The following HDX variants were observed in gnomAD, a reference collection of about 807,000 sequenced individuals.
HDX encodes chromosome X open reading frame 43.
Under a neutral mutation model 45.2 loss-of-function variants are expected in HDX, and 19 were observed. That is an observed-to-expected ratio of 0.42 (90% CI 0.29 to 0.62). The LOEUF is 0.62. HDX is among the 20% of genes least tolerant of loss of function. The probability of loss-of-function intolerance (pLI) is 0.20; values close to 1 mark genes in which losing one functional copy is unlikely to be tolerated. For synonymous variants in HDX, 188 were observed against 172.8 expected (o/e 1.09, Z -0.69); for missense variants, 532 against 493.9 (o/e 1.08, Z -0.73).
At position 84,470,047 on chromosome X, in the gene HDX, C is replaced by T. The variant is rs781023182; in HGVS notation, c.148-472G>A. ...CTCATAGTATTGTTAAACAAATACACATTTGCAATCTTTAGACTCATCAAC... is the reference window on the plus strand; with the variant it reads ...CTCATAGTATTGTTAAACAAATACATATTTGCAATCTTTAGACTCATCAAC... On this transcript the variant is annotated intron_variant, in intron 3 of 10. Coordinates refer to ENST00000373177, the MANE Select transcript of HDX (RefSeq NM_001177479.2). 5.4e-5 allele frequency among the ~76,000 whole-genome samples: 6 copies of T among 111,986 alleles called. No homozygotes were observed. The East Asian group carries it at 1.7e-3, about 31-fold the overall frequency.
chrX:84,493,887 A>C (rs1171792774), intron 1 of HDX, among the ~76,000 whole-genome samples: 5 of 111,717 alleles, frequency 4.5e-5, no homozygotes, highest in Non-Finnish European at 9.4e-5. Flanking sequence ...CAAAGGATAA[A>C]CGCTTAAGGG....
At chrX:84,436,307 T>C (rs1257025807) in intron 5 of HDX, among the ~76,000 whole-genome samples, 1 of 97,815 alleles carries the variant, frequency 1.0e-5, no homozygotes, top group Non-Finnish European at 2.1e-5. Flanking sequence ...AGGGATAGCA[T>C]TGGGAGATAT....
chrX:84,467,444 T>C (rs148033596), intron 4 of HDX, among the ~76,000 whole-genome samples: 148 of 110,152 alleles, frequency 1.3e-3, no homozygotes, highest in Middle Eastern at 9.3e-3. Flanking sequence ...CTGGTCAACA[T>C]GGTGAAACCC....
At chrX:84,349,677 G>A (rs769155807) in intron 6 of HDX, among the ~76,000 whole-genome samples, 218 of 9,987 alleles carry the variant, frequency 0.022, 3 homozygotes, top group African/African-American at 0.079. Context: ...CTTAACCCTA[G>A]CCCTGTGTGT....
intron 5 of HDX, among the ~76,000 whole-genome samples, chrX:84,392,945 A>G (rs1434307309): frequency 9.4e-6 from 1 of 106,834 alleles, no homozygotes; most frequent in Non-Finnish European, 2.0e-5. Flanking sequence ...AAACAGGGAT[A>G]GTTGGACTTC....
intron 6 of HDX, among the ~76,000 whole-genome samples, chrX:84,349,628 T>A (rs1379896850): frequency 1.0e-5 from 1 of 96,561 alleles, no homozygotes; most frequent in Non-Finnish European, 2.0e-5. Flanking sequence ...TATATATATA[T>A]ATAAACAACC....
intron 5 of HDX, among the ~76,000 whole-genome samples, chrX:84,436,392 TA>T (rs1273989388): frequency 2.5e-4 from 27 of 108,827 alleles, no homozygotes; most frequent in African/African-American, 6.0e-4. Context: ...TAAAGTATAA[TA>T]AAAAAAAAGA....
At chrX:84,354,709 T>C (rs187901171) in intron 6 of HDX, among the ~76,000 whole-genome samples, 1,537 of 108,930 alleles carry the variant, frequency 0.014, 28 homozygotes, top group African/African-American at 0.049. Context: ...TAAAGTTTTT[T>C]CCAAATTTAC....
chrX:84,382,382 A>G (rs1250638879), intron 5 of HDX, among the ~76,000 whole-genome samples: 2 of 111,797 alleles, frequency 1.8e-5, no homozygotes, highest in African/African-American at 6.5e-5. Context: ...TATATCTAAA[A>G]GATATCTGCA....
rs559521257 is a variant in HDX at position 84,434,912 on chromosome X, C to A, written c.1305+5620G>T. Among the ~76,000 whole-genome samples the A allele has an allele frequency of 1.4e-4, 15 of 110,833 alleles. No individual in the cohort carries two copies. In the South Asian group the frequency reaches 5.6e-3, roughly 41 times the overall value. ...TCAATGTTAGTAAGTCATATGTATC[C>A]AGAAATTTATTCATTTCTTTCAGGT... On this transcript the variant is annotated intron_variant, in intron 5 of 10. Coordinates refer to ENST00000373177, the MANE Select transcript of HDX (RefSeq NM_001177479.2).
chrX:84,406,515 C>CAT (rs756095468), intron 5 of HDX, among the ~76,000 whole-genome samples: 9,385 of 58,300 alleles, frequency 0.16, 418 homozygotes, highest in South Asian at 0.47. Context: ...CACACACACA[C>CAT]ACATACACAC....
chrX:84,382,583 A>G (rs1344160449), intron 5 of HDX, among the ~76,000 whole-genome samples: 3 of 111,880 alleles, frequency 2.7e-5, no homozygotes, highest in Non-Finnish European at 3.8e-5. Context: ...CAAGTGAAAT[A>G]AGCCAGACAC....
chrX:84,324,263 AACTGAAG>A (rs2036662161), intron 10 of HDX, among the ~76,000 whole-genome samples: 1 of 111,382 alleles, frequency 9.0e-6, no homozygotes, highest in Non-Finnish European at 1.9e-5. Flanking sequence ...AATGGAAGAA[AACTGAAG>A]ATCTTTTTTA....
chrX:84,355,764 C>T (rs778459214), intron 6 of HDX, among the ~76,000 whole-genome samples: 81 of 109,340 alleles, frequency 7.4e-4, no homozygotes, highest in African/African-American at 2.4e-3. Context: ...ATGTAAATGA[C>T]GAGTTAATGA....
intron 5 of HDX, among the ~76,000 whole-genome samples, chrX:84,380,773 C>T (rs944192366): frequency 3.6e-5 from 4 of 110,368 alleles, no homozygotes; most frequent in South Asian, 3.8e-4. Context: ...TCATATTGAA[C>T]GGGAAGAAAT....
At chrX:84,394,821 G>A (rs4559382) in intron 5 of HDX, among the ~76,000 whole-genome samples, 27,532 of 108,555 alleles carry the variant, frequency 0.25, 2,635 homozygotes, top group Non-Finnish European at 0.3. Context: ...AGCTACCTCT[G>A]CTTGCTTTTG....
At chrX:84,458,972 G>A (rs974997739) in intron 4 of HDX, among the ~76,000 whole-genome samples, 6 of 111,582 alleles carry the variant, frequency 5.4e-5, no homozygotes, top group African/African-American at 2.0e-4. Flanking sequence ...AAATGTTTTG[G>A]AGTATACACC....
intron 4 of HDX, among the ~76,000 whole-genome samples, chrX:84,456,642 C>T (rs1185191506): frequency 9.0e-6 from 1 of 111,057 alleles, no homozygotes; most frequent in Non-Finnish European, 1.9e-5. Flanking sequence ...ACACACTCCA[C>T]CTATAAAGAC....
At chrX:84,467,306 C>T (rs1306613360) in intron 4 of HDX, among the ~76,000 whole-genome samples, 1 of 111,071 alleles carries the variant, frequency 9.0e-6, no homozygotes, top group Non-Finnish European at 1.9e-5. Flanking sequence ...TAAATCCAGA[C>T]AAATCTTAAG....
Sources: gnomAD v4.1 joint callset for allele counts (sites outside exome capture counted in the v4.1 genomes callset) on GRCh38, gnomAD v4.1.1 for gene constraint, MANE v1.5 for transcripts, NCBI Gene and HGNC (gene_info 2026-07-23, HGNC 2026-07-21) for gene names.